XPOT: variants seen among roughly 807,000 people sequenced by gnomAD.
XPOT encodes exportin-T.
XPOT carries 34 observed loss-of-function variants against 128.2 expected under a neutral mutation model. The ratio of observed to expected loss-of-function variants is 0.27; its 90% CI spans 0.20 to 0.35. The LOEUF (loss-of-function observed/expected upper bound fraction) is 0.35, where lower values mean the gene tolerates loss of function less well. Ranked by LOEUF, XPOT falls within the 10% of genes least tolerant of loss-of-function variation. XPOT has a pLI of 1.00. For missense variants in XPOT, 838 were observed against 1,125.3 expected (o/e 0.74, Z 3.65); for synonymous variants, 348 against 394.3 (o/e 0.88, Z 1.39).
chr12:64,448,321 C>G lies in XPOT; in HGVS notation c.*190C>G. 2 of 598,574 alleles carry G rather than the reference C, an allele frequency of 3.3e-6. No individual in the cohort carries two copies. The highest frequency in any genetic ancestry group is 4.1e-5 in the South Asian group (2 of 49,282). The allele number at this position is 598,574 out of a possible 1,614,324, so 37.1% of individuals were successfully genotyped here. The stretch of plus-strand genomic sequence containing the variant: ...AGGTATGTAACAACAAAAGAAGTTG[C>G]CTGCATGCCGGTCCAAATTGTTCTG... On this transcript the variant is annotated 3_prime_UTR_variant, in exon 25 of 25. Coordinates refer to ENST00000332707, the MANE Select transcript of XPOT (RefSeq NM_007235.6).
intron 1 of XPOT, among the ~76,000 whole-genome samples, chr12:64,409,458 A>G (rs554874745): frequency 2.6e-5 from 4 of 152,220 alleles, no homozygotes; most frequent in South Asian, 2.1e-4. Flanking sequence ...TTTAGGGGCC[A>G]GGTGGGGTGG....
intron 22 of XPOT, among the ~76,000 whole-genome samples, chr12:64,438,625 T>C (rs922427716): frequency 6.7e-6 from 1 of 149,088 alleles, no homozygotes; most frequent in Admixed American, 6.7e-5. Flanking sequence ...GAGAGATACA[T>C]TGATTTTTTT....
Position 64,448,293 on chromosome 12 carries a change from T to C in XPOT, c.*162T>C, listed in dbSNP as rs1482103053. On this transcript the variant is annotated 3_prime_UTR_variant, in exon 25 of 25. Transcript: ENST00000332707. ...TGTAAAATGGGTGTAATTTTCCTAA[T>C]ACAGGTATGTAACAACAAAAGAAGT... 1.4e-5 allele frequency: 9 copies of C among 663,254 alleles called. No individual in the cohort carries two copies. The highest frequency in any genetic ancestry group is 2.4e-5 in the Non-Finnish European group (9 of 376,808). 41.1% of individuals were successfully genotyped at this position (663,254 alleles called of 1,614,324 possible). A position where few individuals can be genotyped will look rare whatever the true frequency, so the allele number is the denominator to read the frequency against.
chr12:64,431,463 G>T, intron 17 of XPOT, 75 bp from the exon 18 acceptor site: 1 of 1,425,412 alleles, frequency 7.0e-7, no homozygotes, highest in Non-Finnish European at 9.6e-7. Context: ...AATTTGTTGT[G>T]CATTGCTTTT....
intron 24 of XPOT, among the ~76,000 whole-genome samples, chr12:64,446,372 A>G (rs572033818): frequency 6.6e-6 from 1 of 152,336 alleles, no homozygotes; most frequent in African/African-American, 2.4e-5. Context: ...CTAGTTGGAA[A>G]AAATGAATTT....
In XPOT at chr12:64,409,960, A is replaced by G; in HGVS notation, c.-74-2A>G. ...TTCTTTCAACTTTGTTTTTTGTGGCAGATGTTTATAAATTCTTCTGTGGGA... is the reference window on the plus strand; with the variant it reads ...TTCTTTCAACTTTGTTTTTTGTGGCGGATGTTTATAAATTCTTCTGTGGGA... On this transcript the variant is annotated splice_acceptor_variant, in intron 1 of 24. Coordinates refer to ENST00000332707, the MANE Select transcript of XPOT (RefSeq NM_007235.6). LOFTEE classifies it low-confidence loss of function (5UTR_SPLICE). The G allele has an allele frequency of 8.3e-7, 1 of 1,211,602 alleles. No individual in the cohort carries two copies. The highest frequency in any genetic ancestry group is 1.8e-5 in the Admixed American group (1 of 55,908). 75.1% of individuals were successfully genotyped at this position (1,211,602 alleles called of 1,614,324 possible).
intron 2 of XPOT, among the ~76,000 whole-genome samples, chr12:64,414,206 G>A (rs890628446): frequency 2.6e-5 from 4 of 152,196 alleles, no homozygotes; most frequent in Non-Finnish European, 4.4e-5. Flanking sequence ...TATGGACTTG[G>A]TGCTGCATCC....
rs2040152584 is a variant in XPOT, at chr12:64,422,884, C to T, written c.1081-121C>T. The T allele has an allele frequency of 4.3e-6, 4 of 921,610 alleles. No homozygotes were observed. In the African/African-American group the frequency reaches 7.5e-5, roughly 17 times the overall value. The allele number at this position is 921,610 out of a possible 1,614,324, so 57.1% of individuals were successfully genotyped here. A position where few individuals can be genotyped will look rare whatever the true frequency, so the allele number is the denominator to read the frequency against. Reference sequence around the variant, plus strand: ...CGCCACTGCACTCCAGCCTGGGCAACAGAGCAAGACCTTGTCTCAAAAAAA... The same window carrying T: ...CGCCACTGCACTCCAGCCTGGGCAATAGAGCAAGACCTTGTCTCAAAAAAA... On this transcript the variant is annotated intron_variant, in intron 9 of 24. Transcript: ENST00000332707.
In XPOT at chr12:64,434,895, G is replaced by A. The variant is rs1357325470; in HGVS notation, c.2671G>A (p.Ala891Thr). Residue 891 changes from alanine (A) to threonine (T), a missense_variant, in exon 21 of 25, where the codon GCA becomes ACA. Ala to Thr is a moderately conservative substitution (Grantham distance 58). Coordinates refer to ENST00000332707, the MANE Select transcript of XPOT (RefSeq NM_007235.6). ...PLKQTFDLAD[A>T]QTVLALSECA... ...AAAACAAACCTTTGACCTGGCAGAT[G>A]CACAAACAGTATTGGTAAGCACCTA... is the stretch of plus-strand genomic sequence containing the variant. 6.2e-7 allele frequency: 1 copy of A among 1,612,252 alleles called. No homozygotes were observed. The highest frequency in any genetic ancestry group is 8.5e-7 in the Non-Finnish European group (1 of 1,179,878).
At chr12:64,425,984 C>T in intron 15 of XPOT, 75 bp downstream of exon 15, 2 of 1,387,498 alleles carry the variant, frequency 1.4e-6, no homozygotes, top group Non-Finnish European at 2.0e-6. Flanking sequence ...ATAGTAAAGA[C>T]ATGGAATCAA....
At chr12:64,429,516 T>G (rs900745942) in intron 16 of XPOT, among the ~76,000 whole-genome samples, 1 of 151,608 alleles carries the variant, frequency 6.6e-6, no homozygotes, top group Non-Finnish European at 1.5e-5. Context: ...TGGTCTTGAC[T>G]CACTACAACT....
At chr12:64,444,957 A>G (rs2040355879) in intron 23 of XPOT, 118 bp from the exon 24 acceptor site, 1 of 692,710 alleles carries the variant, frequency 1.4e-6, no homozygotes, top group Non-Finnish European at 2.2e-6. Flanking sequence ...TAGATGACAG[A>G]GCAAGACCAT....
rs548758624 is a variant in XPOT, at chr12:64,447,766, TA to T, written c.2863-338del. Among the ~76,000 whole-genome samples the T allele has an allele frequency of 2.0e-5, 3 of 152,262 alleles. No homozygotes were observed. The East Asian group carries it at 5.8e-4, about 29-fold the overall frequency. ...TTACAGGCGCCGTGCCCGTCCTCAA[TA>T]TTTAATTTACCAGTGTTAATTTGGA... is the stretch of plus-strand genomic sequence containing the variant. On this transcript the variant is annotated intron_variant, in intron 24 of 24. Coordinates refer to ENST00000332707, the MANE Select transcript of XPOT (RefSeq NM_007235.6).
intron 11 of XPOT, 119 bp downstream of exon 11, chr12:64,423,363 T>A: frequency 1.5e-6 from 1 of 668,968 alleles, no homozygotes; most frequent in Non-Finnish European, 2.4e-6. Context: ...GAAAAATTAG[T>A]CTGTTTATAT....
intron 13 of XPOT, 26 bp downstream of exon 13, chr12:64,425,208 C>G: frequency 1.2e-6 from 2 of 1,612,912 alleles, no homozygotes; most frequent in Non-Finnish European, 1.7e-6. Flanking sequence ...ATAATTTTGA[C>G]CATAAATTTC....
intron 19 of XPOT, among the ~76,000 whole-genome samples, 153 bp downstream of exon 19, chr12:64,433,756 C>G (rs1010210015): frequency 2.6e-5 from 4 of 152,196 alleles, no homozygotes; most frequent in African/African-American, 9.6e-5. Context: ...GGGAATTGAT[C>G]ACTTTTATGT....
intron 15 of XPOT, among the ~76,000 whole-genome samples, chr12:64,427,685 G>A (rs2040204547): frequency 6.6e-6 from 1 of 151,940 alleles, no homozygotes; most frequent in Non-Finnish European, 1.5e-5. Flanking sequence ...TGTAGAATCA[G>A]TCTCACCACA....
At chr12:64,406,027 C>T (rs2039977975) in intron 1 of XPOT, among the ~76,000 whole-genome samples, 1 of 152,180 alleles carries the variant, frequency 6.6e-6, no homozygotes, top group Admixed American at 6.5e-5. Flanking sequence ...TTCCTTAGGG[C>T]CACTTCATTT....
intron 3 of XPOT, among the ~76,000 whole-genome samples, chr12:64,416,138 C>G (rs1203093032): frequency 2.0e-5 from 3 of 152,216 alleles, no homozygotes; most frequent in Non-Finnish European, 4.4e-5. Flanking sequence ...GGTGTGTTGA[C>G]TTTTGCCCCC....
Sources: gnomAD v4.1 joint callset for allele counts (sites outside exome capture counted in the v4.1 genomes callset) on GRCh38, gnomAD v4.1.1 for gene constraint, MANE v1.5 for transcripts, NCBI Gene and HGNC (gene_info 2026-07-23, HGNC 2026-07-21) for gene names.